The following LRCH1 variants were observed in gnomAD, a reference collection of about 807,000 sequenced individuals.
LRCH1 encodes leucine-rich repeat and calponin homology domain-containing protein 1.
Under a neutral mutation model 94.9 loss-of-function variants are expected in LRCH1, and 23 were observed. The ratio of observed to expected loss-of-function variants is 0.24; its 90% CI spans 0.17 to 0.34. The LOEUF (loss-of-function observed/expected upper bound fraction) is 0.34. Among genes scored for constraint, LRCH1 ranks in the 10% least tolerant of loss-of-function variants. The pLI is 1.00. For missense variants in LRCH1, 790 were observed against 945.9 expected (o/e 0.84, Z 2.16); for synonymous variants, 364 against 354.9 (o/e 1.03, Z -0.29).
chr13:46,554,322 T>C (rs945601446), intron 1 of LRCH1, among the ~76,000 whole-genome samples: 3 of 152,198 alleles, frequency 2.0e-5, no homozygotes, highest in African/African-American at 7.2e-5. Flanking sequence ...CTCCCTGCGC[T>C]TGTGCGGGAA....
At chr13:46,631,509 GA>G (rs1392477863) in intron 1 of LRCH1, among the ~76,000 whole-genome samples, 1 of 152,162 alleles carries the variant, frequency 6.6e-6, no homozygotes, top group African/African-American at 2.4e-5. Flanking sequence ...GCAATTTGTG[GA>G]AGACCGTTAG....
chr13:46,734,204 G>A (rs1270505798), intron 19 of LRCH1, among the ~76,000 whole-genome samples: 1 of 151,896 alleles, frequency 6.6e-6, no homozygotes, highest in African/African-American at 2.4e-5. Context: ...TCAATTCTGA[G>A]GAAAAAGGGA....
intron 13 of LRCH1, among the ~76,000 whole-genome samples, chr13:46,708,801 A>C (rs1298289716): frequency 6.6e-6 from 1 of 152,178 alleles, no homozygotes; most frequent in Non-Finnish European, 1.5e-5. Context: ...TAGATTTTCA[A>C]AATGGATTCG....
At position 46,669,015 on chromosome 13, in the gene LRCH1, G is replaced by A. The variant is rs199718007; in HGVS notation, c.453-15G>A. On this transcript the variant is annotated splice_polypyrimidine_tract_variant and intron_variant, in intron 2 of 19. Transcript: ENST00000389797. ...CTTTCTGTTTACATGTGTTCTTGTT[G>A]TATTGTCTTTGCAGTCGAAATCAGC... 1.9e-6 allele frequency: 3 copies of A among 1,613,552 alleles called. No individual in the cohort carries two copies. The highest frequency in any genetic ancestry group is 4.5e-5 in the East Asian group (2 of 44,844).
chr13:46,731,074 C>A (rs981061146), intron 18 of LRCH1, among the ~76,000 whole-genome samples: 1 of 149,802 alleles, frequency 6.7e-6, no homozygotes, highest in African/African-American at 2.4e-5. Context: ...TCTCCTCCTA[C>A]CCAAAACCAA....
At chr13:46,556,003 G>C (rs921813150) in intron 1 of LRCH1, among the ~76,000 whole-genome samples, 1 of 152,222 alleles carries the variant, frequency 6.6e-6, no homozygotes, top group Admixed American at 6.5e-5. Flanking sequence ...TAGTACAGTT[G>C]AAAGTTTGAG....
intron 1 of LRCH1, among the ~76,000 whole-genome samples, chr13:46,613,260 C>A (rs533123164): frequency 6.6e-6 from 1 of 151,902 alleles, no homozygotes; most frequent in African/African-American, 2.4e-5. Context: ...CGTGGTGGCA[C>A]GTGCCTGTAG....
chr13:46,596,550 GA>G (rs1171602415), intron 1 of LRCH1, among the ~76,000 whole-genome samples: 1 of 152,174 alleles, frequency 6.6e-6, no homozygotes, highest in Non-Finnish European at 1.5e-5. Context: ...CATATATCTG[GA>G]AATGAAATAG....
rs1870586202 is a variant in LRCH1, at chr13:46,685,909, A to G, written c.690A>G (p.Leu230=). Residue 230 remains leucine (L), a synonymous_variant, in exon 5 of 20, where the codon CTA becomes CTG. Transcript: ENST00000389797. The part of the protein sequence containing the change: ...RNYLKVLPQE[L]VDLSLVKFDF... ...TTCTTTTTTCTATTATTTTAGAACTAGTAGATCTTTCCTTGGTAAAGTTTG... is the reference window on the plus strand; with the variant it reads ...TTCTTTTTTCTATTATTTTAGAACTGGTAGATCTTTCCTTGGTAAAGTTTG... 6.3e-7 allele frequency: 1 copy of G among 1,583,802 alleles called. No individual in the cohort carries two copies. The highest frequency in any genetic ancestry group is 8.6e-7 in the Non-Finnish European group (1 of 1,166,556).
At chr13:46,570,857 G>A (rs2050233513) in intron 1 of LRCH1, among the ~76,000 whole-genome samples, 1 of 152,344 alleles carries the variant, frequency 6.6e-6, no homozygotes, top group East Asian at 1.9e-4. Flanking sequence ...TAGTAGAGGA[G>A]TGTCTAAAAT....
At chr13:46,564,671 A>T (rs1594246828) in intron 1 of LRCH1, among the ~76,000 whole-genome samples, 1 of 152,270 alleles carries the variant, frequency 6.6e-6, no homozygotes, top group Admixed American at 6.5e-5. Flanking sequence ...GAACTTAGAC[A>T]CTTCTCTATT....
intron 1 of LRCH1, among the ~76,000 whole-genome samples, chr13:46,559,685 T>G (rs560934182): frequency 8.5e-5 from 13 of 152,336 alleles, no homozygotes; most frequent in Non-Finnish European, 1.5e-4. Context: ...CCAGGGAACC[T>G]CTGGGAATTT....
chr13:46,553,472 C>T lies in LRCH1; in HGVS notation c.76C>T (p.Pro26Ser). ...AGCTACTCTGCACCCACTTCATCAT[C>T]CCCACCACCACCACCACCACCATCA... ...SVATLHPLHH[P>S]HHHHHHHQHH... Residue 26 changes from proline (P) to serine (S), a missense_variant, in exon 1 of 20, where the codon CCC (proline) becomes TCC (serine). Physicochemically the swap from Pro to Ser is moderately conservative, Grantham distance 74 (BLOSUM62 -1). Around this residue, in one of 3 missense-constraint regions of LRCH1, gnomAD observed 136 missense variants for 143.5 expected, o/e 0.95. Coordinates refer to ENST00000389797, the MANE Select transcript of LRCH1 (RefSeq NM_001164211.2). 6.5e-7 allele frequency: 1 copy of T among 1,549,180 alleles called. No homozygotes were observed. The highest frequency in any genetic ancestry group is 8.7e-7 in the Non-Finnish European group (1 of 1,146,124).
chr13:46,741,080 A>G (rs1232144430), intron 19 of LRCH1, among the ~76,000 whole-genome samples: 1 of 152,222 alleles, frequency 6.6e-6, no homozygotes, highest in Non-Finnish European at 1.5e-5. Flanking sequence ...TGACACATGT[A>G]GGGACATACT....
chr13:46,666,260 C>T (rs1332203976), intron 2 of LRCH1, among the ~76,000 whole-genome samples: 2 of 152,200 alleles, frequency 1.3e-5, no homozygotes, highest in Non-Finnish European at 1.5e-5. Context: ...CTCAAAGAGA[C>T]CATGAATGTT....
At chr13:46,623,177 C>T (rs997465079) in intron 1 of LRCH1, among the ~76,000 whole-genome samples, 1 of 152,018 alleles carries the variant, frequency 6.6e-6, no homozygotes, top group African/African-American at 2.4e-5. Flanking sequence ...GAGCTGGGGA[C>T]TTATCATCTG....
intron 19 of LRCH1, among the ~76,000 whole-genome samples, chr13:46,734,805 T>C (rs1245024517): frequency 6.6e-6 from 1 of 152,218 alleles, no homozygotes. Flanking sequence ...TTATTTCTTA[T>C]GATTTCTTCT....
chr13:46,723,941 T>G (rs1259264747), intron 17 of LRCH1, among the ~76,000 whole-genome samples: 1 of 152,174 alleles, frequency 6.6e-6, no homozygotes, highest in Non-Finnish European at 1.5e-5. Flanking sequence ...TAATGCCCTG[T>G]CATTTATTTA....
At chr13:46,714,129 T>C (rs917912040) in intron 15 of LRCH1, among the ~76,000 whole-genome samples, 8 of 152,196 alleles carry the variant, frequency 5.3e-5, no homozygotes, top group South Asian at 2.1e-4. Flanking sequence ...GAAAAATAAA[T>C]GGAGCTTTTA....
Sources: gnomAD v4.1 joint callset for allele counts (sites outside exome capture counted in the v4.1 genomes callset) on GRCh38, gnomAD v4.1.1 for gene constraint, gnomAD v4.1.1 regional missense constraint, MANE v1.5 for transcripts, NCBI Gene and HGNC (gene_info 2026-07-23, HGNC 2026-07-21) for gene names.